Variants in RBPJ observed in about 807,000 individuals in gnomAD.
RBPJ encodes the protein recombining binding protein suppressor of hairless.
In RBPJ, 9 loss-of-function variants were observed where a neutral mutation model predicts 67.8. The observed-to-expected ratio is 0.13, with a 90% CI of 0.08 to 0.23. The LOEUF is 0.23. Among genes scored for constraint, RBPJ ranks in the 10% least tolerant of loss-of-function variants. The pLI, the probability that RBPJ is intolerant of heterozygous loss-of-function variation, is 1.00. For synonymous variants in RBPJ, 198 were observed against 203.3 expected (o/e 0.97, Z 0.22); for missense variants, 305 against 595.6 (o/e 0.51, Z 5.08).
At chr4:26,245,995 G>A (rs73114513) in intron 1 of RBPJ, among the ~76,000 whole-genome samples, 1 of 151,892 alleles carries the variant, frequency 6.6e-6, no homozygotes, top group East Asian at 1.9e-4. Context: ...AATGGGAAAG[G>A]GTAAGTCTCC....
chr4:26,250,272 C>G (rs1720064509), intron 1 of RBPJ, among the ~76,000 whole-genome samples: 2 of 151,452 alleles, frequency 1.3e-5, no homozygotes, highest in South Asian at 4.2e-4. Flanking sequence ...GCTTATTTCA[C>G]TTAGCCTAAT....
At chr4:26,337,562 T>C (rs1158355182) in intron 1 of RBPJ, among the ~76,000 whole-genome samples, 1 of 151,946 alleles carries the variant, frequency 6.6e-6, no homozygotes, top group African/African-American at 2.4e-5. Context: ...CACAAACATA[T>C]CTGTGCATGT....
chr4:26,212,097 C>A (rs1017098483), intron 1 of RBPJ, among the ~76,000 whole-genome samples: 2 of 152,104 alleles, frequency 1.3e-5, no homozygotes, highest in Non-Finnish European at 2.9e-5. Flanking sequence ...TCTAGTCACC[C>A]AGTTTGTGGC....
At chr4:26,387,083 C>T (rs925681690) in intron 2 of RBPJ, among the ~76,000 whole-genome samples, 2 of 152,082 alleles carry the variant, frequency 1.3e-5, no homozygotes, top group Non-Finnish European at 2.9e-5. Context: ...TGTTCTACAC[C>T]TTTTCACGCC....
chr4:26,186,539 T>G (rs1465086374), intron 1 of RBPJ, among the ~76,000 whole-genome samples: 1 of 152,160 alleles, frequency 6.6e-6, no homozygotes, highest in Non-Finnish European at 1.5e-5. Context: ...TTTCTTGCAG[T>G]GCCTGAGCGA....
chr4:26,341,649 G>A (rs569059240), intron 1 of RBPJ, among the ~76,000 whole-genome samples: 13 of 151,546 alleles, frequency 8.6e-5, no homozygotes, highest in African/African-American at 2.9e-4. Context: ...AAAACCAAAC[G>A]AAAACAAAAC....
chr4:26,166,466 C>T (rs28890227), intron 1 of RBPJ, among the ~76,000 whole-genome samples: 65,889 of 133,480 alleles, frequency 0.49, 13,185 homozygotes, highest in African/African-American at 0.58. Context: ...CTCTGATGGC[C>T]AGTGATGATG....
chr4:26,196,137 A>G (rs2109147394), intron 1 of RBPJ, among the ~76,000 whole-genome samples: 2 of 152,346 alleles, frequency 1.3e-5, no homozygotes, highest in Admixed American at 1.3e-4. Context: ...GTGAGTGGTC[A>G]TAGCAGCATC....
At chr4:26,119,613 C>T in the RBPJ span, among the ~76,000 whole-genome samples, 17 of 152,314 alleles carry the variant, frequency 1.1e-4, no homozygotes, top group Admixed American at 9.8e-4. Context: ...TCTACCCATC[C>T]TTCCGTGTTC....
At chr4:26,217,273 A>C (rs1718752629) in intron 1 of RBPJ, among the ~76,000 whole-genome samples, 1 of 152,164 alleles carries the variant, frequency 6.6e-6, no homozygotes, top group African/African-American at 2.4e-5. Flanking sequence ...GAAAGGCTGC[A>C]AGATGATTTT....
chr4:26,402,358 G>C (rs1732922285), intron 2 of RBPJ, among the ~76,000 whole-genome samples: 1 of 152,102 alleles, frequency 6.6e-6, no homozygotes, highest in African/African-American at 2.4e-5. Flanking sequence ...ATTAATTTTG[G>C]ATTCCAACAT....
intron 1 of RBPJ, among the ~76,000 whole-genome samples, chr4:26,352,794 T>C (rs1327840377): frequency 6.6e-6 from 1 of 152,252 alleles, no homozygotes; most frequent in Non-Finnish European, 1.5e-5. Flanking sequence ...TCATAGGGCT[T>C]GTTTTGTCTA....
intron 1 of RBPJ, among the ~76,000 whole-genome samples, chr4:26,248,736 G>T (rs1056046799): frequency 6.6e-6 from 1 of 152,182 alleles, no homozygotes; most frequent in Non-Finnish European, 1.5e-5. Flanking sequence ...TTTTAAGGAA[G>T]TGATGGGAGA....
At chr4:26,401,887 CTT>C (rs58935903) in intron 2 of RBPJ, among the ~76,000 whole-genome samples, 26 of 129,702 alleles carry the variant, frequency 2.0e-4, no homozygotes, top group Middle Eastern at 4.2e-3. Flanking sequence ...TTCTTTCTTT[CTT>C]TTTTTTTTTT....
chr4:26,401,875 T>TTTTC (rs1418232684), intron 2 of RBPJ, among the ~76,000 whole-genome samples: 3 of 151,374 alleles, frequency 2.0e-5, no homozygotes, highest in East Asian at 1.9e-4. Context: ...TTTGTTTTCT[T>TTTTC]TTTCTTTCTT....
chr4:26,374,286 A>C (rs140204889), intron 1 of RBPJ, among the ~76,000 whole-genome samples: 1 of 152,222 alleles, frequency 6.6e-6, no homozygotes, highest in Non-Finnish European at 1.5e-5. Flanking sequence ...GTAATCAAGG[A>C]AAAATTTACT....
chr4:26,151,133 G>A, the RBPJ span, among the ~76,000 whole-genome samples: 2 of 152,184 alleles, frequency 1.3e-5, no homozygotes, highest in Admixed American at 6.5e-5. Flanking sequence ...CGAAGCAGCA[G>A]AGCAGGCAGC....
At chr4:26,285,714 T>A (rs1721443412) in intron 1 of RBPJ, among the ~76,000 whole-genome samples, 2 of 142,726 alleles carry the variant, frequency 1.4e-5, no homozygotes, top group Admixed American at 1.4e-4. Context: ...TGGCACATTA[T>A]CAAATGCATT....
chr4:26,292,573 A>G (rs1721706686), intron 1 of RBPJ, among the ~76,000 whole-genome samples: 1 of 150,004 alleles, frequency 6.7e-6, no homozygotes, highest in Non-Finnish European at 1.5e-5. Flanking sequence ...GCCGCCCACC[A>G]TCGGGCTCAG....
Sources: allele counts gnomAD v4.1 joint callset (sites outside exome capture counted in the v4.1 genomes callset), GRCh38; gene constraint gnomAD v4.1.1; transcripts MANE v1.5; gene names NCBI Gene and HGNC (gene_info 2026-07-23, HGNC 2026-07-21).